Variants in COL25A1 observed in about 807,000 individuals in gnomAD.
COL25A1 encodes the protein collagen alpha-1(XXV) chain.
In COL25A1, 103 loss-of-function variants were observed where a neutral mutation model predicts 128.4. That is an observed-to-expected ratio of 0.80 (90% CI 0.68 to 0.94). The LOEUF is 0.94. Among genes scored for constraint, COL25A1 ranks in the 40% least tolerant of loss-of-function variants. The probability of loss-of-function intolerance (pLI) is 0.00; values close to 1 mark genes in which losing one functional copy is unlikely to be tolerated. For synonymous variants in COL25A1, 279 were observed against 277.2 expected (o/e 1.01, Z -0.06); for missense variants, 745 against 840.0 (o/e 0.89, Z 1.40).
At chr4:109,283,656 G>C (rs1475228747) in intron 3 of COL25A1, among the ~76,000 whole-genome samples, 1 of 152,212 alleles carries the variant, frequency 6.6e-6, no homozygotes, top group African/African-American at 2.4e-5. Flanking sequence ...TCACACAAGT[G>C]TGTTATTTGT....
In COL25A1 at chr4:108,810,531, A is replaced by T. The variant is rs867569865; in HGVS notation, c.*3396T>A. On this transcript the variant is annotated 3_prime_UTR_variant, in exon 38 of 38. Coordinates refer to ENST00000399132, the MANE Select transcript of COL25A1 (RefSeq NM_198721.4). ...TTTTGCTAATGAAAAACAAAAACTG[A>T]AAGAAAAAATTAGGTATATTTGTGC... 6.6e-6 allele frequency: 1 copy of T among 152,024 alleles called. No homozygotes were observed. The highest frequency in any genetic ancestry group is 2.4e-5 in the African/African-American group (1 of 41,446). The allele number at this position is 152,024 out of a possible 1,614,324, so 9.4% of individuals were successfully genotyped here. A position where few individuals can be genotyped will look rare whatever the true frequency, so the allele number is the denominator to read the frequency against.
chr4:109,093,188 C>G (rs1446569208), intron 3 of COL25A1, among the ~76,000 whole-genome samples: 1 of 152,116 alleles, frequency 6.6e-6, no homozygotes, highest in Non-Finnish European at 1.5e-5. Context: ...TTTAATAAGG[C>G]TTTGGAAAAT....
chr4:109,005,888 AC>A (rs1755917893), intron 6 of COL25A1, among the ~76,000 whole-genome samples: 1 of 152,200 alleles, frequency 6.6e-6, no homozygotes, highest in African/African-American at 2.4e-5. Flanking sequence ...CTGGAGAGGA[AC>A]AGAATTATCA....
intron 6 of COL25A1, among the ~76,000 whole-genome samples, chr4:108,979,753 C>CT (rs1347534062): frequency 3.3e-5 from 5 of 152,174 alleles, no homozygotes; most frequent in African/African-American, 1.2e-4. Flanking sequence ...GCTTCATTCT[C>CT]TAAGAATTTC....
At chr4:108,889,120 C>G in intron 18 of COL25A1, 101 bp downstream of exon 18, 1 of 1,096,248 alleles carries the variant, frequency 9.1e-7, no homozygotes, top group Non-Finnish European at 1.4e-6. Context: ...ACATGAAAAC[C>G]GCATCATTTT....
intron 37 of COL25A1, among the ~76,000 whole-genome samples, chr4:108,815,974 T>C (rs1242621434): frequency 3.3e-5 from 5 of 152,124 alleles, no homozygotes; most frequent in African/African-American, 1.2e-4. Flanking sequence ...AAAATCATTA[T>C]ACTATTAGAT....
chr4:108,831,687 G>GGAGAGAGAGAGAGA (rs3062875), intron 32 of COL25A1, among the ~76,000 whole-genome samples: 10 of 144,296 alleles, frequency 6.9e-5, no homozygotes, highest in African/African-American at 2.3e-4. Flanking sequence ...AGAGAGAGGG[G>GGAGAGAGAGAGAGA]GAGAGAGAGA....
At chr4:109,137,638 T>C (rs1197743591) in intron 3 of COL25A1, among the ~76,000 whole-genome samples, 2 of 152,162 alleles carry the variant, frequency 1.3e-5, no homozygotes, top group Admixed American at 1.3e-4. Context: ...TATATCCCAT[T>C]AGATTATAGA....
At position 108,819,271 on chromosome 4, in the gene COL25A1, A is replaced by T; in HGVS notation, c.1904T>A (p.Leu635Gln). ...CTGTACCAATTGGCAAGGGGCATCC[A>T]GCCCATCCAGGCCAGGCTGGCCTGG... Reference protein sequence around the residue: ...GEPGQPGLDGLDAPCQLGPDG... With the variant: ...GEPGQPGLDGQDAPCQLGPDG... Residue 635 changes from leucine to glutamine, a missense_variant, in exon 36 of 38, where the codon CTG becomes CAG. By Grantham distance (113) the Leu-to-Gln change is moderately radical. Transcript: ENST00000399132. 6.2e-7 allele frequency: 1 copy of T among 1,611,596 alleles called. No homozygotes were observed. Among genetic ancestry groups the T allele is most frequent in the Non-Finnish European group, 8.5e-7 (1 of 1,179,186 alleles).
intron 8 of COL25A1, among the ~76,000 whole-genome samples, chr4:108,969,782 A>C (rs1362849409): frequency 6.6e-6 from 1 of 152,206 alleles, no homozygotes. Context: ...TTGTCTGTAC[A>C]GCCTAGATTC....
rs1400139684 is a variant in COL25A1, at chr4:109,020,088, TACTAGAGAA to T, written c.421-9722_421-9714del. ...TAAAACTAATTATATGCAAATGATA[TACTAGAGAA>T]GCAATTGAAAACATAAAGCATTATG... On this transcript the variant is annotated intron_variant, in intron 5 of 37. Coordinates refer to ENST00000399132, the MANE Select transcript of COL25A1 (RefSeq NM_198721.4). Among the ~76,000 whole-genome samples, 10 of 103,458 alleles carry T rather than the reference TACTAGAGAA, an allele frequency of 9.7e-5. No homozygotes were observed. In the East Asian group the frequency reaches 3.7e-3, roughly 38 times the overall value. 67.9% of individuals were successfully genotyped at this position (103,458 alleles called of 152,430 possible).
chr4:109,039,348 A>G (rs1231719070), intron 5 of COL25A1, among the ~76,000 whole-genome samples: 1 of 152,128 alleles, frequency 6.6e-6, no homozygotes, highest in South Asian at 2.1e-4. Flanking sequence ...CTCTATTTTT[A>G]CTAGTTACTT....
chr4:108,844,468 G>A, intron 30 of COL25A1, 51 bp downstream of exon 30: 1 of 1,613,952 alleles, frequency 6.2e-7, no homozygotes. Flanking sequence ...GTTCTCTCTA[G>A]CAGCATGCTC....
chr4:108,974,992 G>A (rs151188101), intron 6 of COL25A1, among the ~76,000 whole-genome samples: 4 of 152,214 alleles, frequency 2.6e-5, no homozygotes, highest in East Asian at 1.9e-4. Context: ...CATAGAGTCC[G>A]GCCTCTTTTG....
chr4:109,029,878 T>C (rs1001598995), intron 5 of COL25A1, among the ~76,000 whole-genome samples: 7 of 152,134 alleles, frequency 4.6e-5, no homozygotes, highest in African/African-American at 1.7e-4. Context: ...CTTTATATAT[T>C]ATTCATGATG....
intron 16 of COL25A1, among the ~76,000 whole-genome samples, chr4:108,890,955 G>A (rs1198798721): frequency 2.6e-5 from 4 of 152,114 alleles, no homozygotes; most frequent in Admixed American, 2.0e-4. Flanking sequence ...ATCTTACTCC[G>A]TAGCATCATG....
At chr4:109,187,025 T>G (rs189842821) in intron 3 of COL25A1, among the ~76,000 whole-genome samples, 1 of 152,294 alleles carries the variant, frequency 6.6e-6, no homozygotes, top group East Asian at 1.9e-4. Context: ...GGGGTATGAT[T>G]TGGGGTAATC....
intron 10 of COL25A1, among the ~76,000 whole-genome samples, chr4:108,938,318 T>C (rs1253464102): frequency 2.0e-5 from 3 of 152,220 alleles, no homozygotes; most frequent in African/African-American, 4.8e-5. Flanking sequence ...TTTATTGTCA[T>C]TATAATGACA....
intron 3 of COL25A1, among the ~76,000 whole-genome samples, chr4:109,139,416 G>C (rs928238669): frequency 6.6e-6 from 1 of 152,130 alleles, no homozygotes; most frequent in African/African-American, 2.4e-5. Context: ...CCTATGTCCT[G>C]AATGGTATTG....
Sources: gnomAD v4.1 joint callset for allele counts (sites outside exome capture counted in the v4.1 genomes callset) on GRCh38, gnomAD v4.1.1 for gene constraint, MANE v1.5 for transcripts, NCBI Gene and HGNC (gene_info 2026-07-23, HGNC 2026-07-21) for gene names.